GLIS3: variants seen among roughly 807,000 people sequenced by gnomAD.
The protein encoded by GLIS3 is GLIS family zinc finger 3, also known as zinc finger protein GLIS3.
Under a neutral mutation model 78.6 loss-of-function variants are expected in GLIS3, and 53 were observed. The ratio of observed to expected loss-of-function variants is 0.67; its 90% CI spans 0.54 to 0.85. The LOEUF is 0.85. Ranked by LOEUF, GLIS3 falls within the 40% of genes least tolerant of loss-of-function variation. The pLI is 0.00. For missense variants in GLIS3, 1,703 were observed against 1,231.1 expected, an observed-to-expected ratio of 1.38 and a Z score of -5.74; for synonymous variants, 684 against 509.9, an observed-to-expected ratio of 1.34 and a Z score of -4.60.
At chr9:3,859,302 C>A (rs1028988912) in intron 8 of GLIS3, among the ~76,000 whole-genome samples, 7 of 151,286 alleles carry the variant, frequency 4.6e-5, no homozygotes, top group Non-Finnish European at 7.4e-5. Context: ...GAACTCAGAA[C>A]CCCATTTTCT....
At chr9:4,373,121 A>G in the GLIS3 span, among the ~76,000 whole-genome samples, 4 of 152,242 alleles carry the variant, frequency 2.6e-5, no homozygotes, top group African/African-American at 9.6e-5. Flanking sequence ...CCAAGCACAG[A>G]AAAATACGGG....
chr9:4,390,378 T>C, the GLIS3 span, among the ~76,000 whole-genome samples: 1 of 152,198 alleles, frequency 6.6e-6, no homozygotes, highest in African/African-American at 2.4e-5. Flanking sequence ...AGTCTTTTTT[T>C]TTTTTTAAAC....
At chr9:4,320,943 T>C (rs1817514416) in intron 2 of GLIS3, among the ~76,000 whole-genome samples, 1 of 152,094 alleles carries the variant, frequency 6.6e-6, no homozygotes, top group Non-Finnish European at 1.5e-5. Context: ...TTGAGCATTT[T>C]TCAATGGCTC....
intron 2 of GLIS3, among the ~76,000 whole-genome samples, chr9:4,194,076 G>C (rs890912744): frequency 6.6e-6 from 1 of 152,092 alleles, no homozygotes; most frequent in Admixed American, 6.6e-5. Context: ...TTTCTTTGTA[G>C]AGATGGAGTC....
At chr9:3,880,853 C>G (rs1219620271) in intron 7 of GLIS3, among the ~76,000 whole-genome samples, 1 of 152,184 alleles carries the variant, frequency 6.6e-6, no homozygotes, top group African/African-American at 2.4e-5. Context: ...AGGGTGTGAT[C>G]TGATTTGAAG....
intron 2 of GLIS3, among the ~76,000 whole-genome samples, chr9:4,209,320 C>A (rs1820169746): frequency 6.6e-6 from 1 of 152,162 alleles, no homozygotes; most frequent in African/African-American, 2.4e-5. Context: ...CTTTCTGGGA[C>A]ATTTTGATGC....
the GLIS3 span, among the ~76,000 whole-genome samples, chr9:4,378,031 A>G: frequency 3.7e-4 from 56 of 152,306 alleles, 1 homozygote; most frequent in South Asian, 0.011. Flanking sequence ...TAACTCCTTC[A>G]TCTGGTAAAT....
intron 4 of GLIS3, among the ~76,000 whole-genome samples, chr9:4,107,152 A>C (rs1253372567): frequency 2.6e-5 from 4 of 152,190 alleles, no homozygotes; most frequent in Non-Finnish European, 4.4e-5. Flanking sequence ...GAAAGCTCCA[A>C]GATCAAGATT....
chr9:4,266,322 T>C (rs1216148171), intron 2 of GLIS3, among the ~76,000 whole-genome samples: 3 of 152,128 alleles, frequency 2.0e-5, no homozygotes, highest in Non-Finnish European at 2.9e-5. Flanking sequence ...TATCTGACTA[T>C]GCAGGATGGA....
chr9:4,015,557 A>G (rs1442492163), intron 4 of GLIS3, among the ~76,000 whole-genome samples: 1 of 152,182 alleles, frequency 6.6e-6, no homozygotes, highest in Non-Finnish European at 1.5e-5. Flanking sequence ...ATGAAGTTAT[A>G]TCTATCTTGT....
intron 4 of GLIS3, among the ~76,000 whole-genome samples, chr9:3,971,054 GGAAGGAAGGAAGGATTAATT>G (rs6150899): frequency 0.13 from 19,424 of 149,394 alleles, 1,744 homozygotes; most frequent in African/African-American, 0.25. Flanking sequence ...AAGGATCGAA[GGAAGGAAGGAAGGATTAATT>G]GAAGGAAGGA....
chr9:4,072,077 C>A (rs924762436), intron 4 of GLIS3, among the ~76,000 whole-genome samples: 1 of 152,260 alleles, frequency 6.6e-6, no homozygotes, highest in South Asian at 2.1e-4. Context: ...CTAAAGAAGT[C>A]CAGGCAAAGC....
rs140368099 is a variant in GLIS3 at position 3,857,276 on chromosome 9, C to T, written c.2298-1092G>A. Among the ~76,000 whole-genome samples, 8 of 152,312 alleles carry T rather than the reference C, an allele frequency of 5.3e-5. No homozygotes were observed. In the East Asian group the frequency reaches 1.5e-3, roughly 29 times the overall value. On this transcript the variant is annotated intron_variant, in intron 8 of 10. Transcript: ENST00000381971. ...GTGTAGAAAGACAGGCTTTGTTTTG[C>T]AGTAACACGTATAGGTCACCATCTG... is the stretch of plus-strand genomic sequence containing the variant.
At chr9:3,908,966 G>A (rs1823938610) in intron 6 of GLIS3, among the ~76,000 whole-genome samples, 1 of 152,114 alleles carries the variant, frequency 6.6e-6, no homozygotes, top group African/African-American at 2.4e-5. Flanking sequence ...CAAAGAAAAC[G>A]AGGCACAATC....
chr9:4,326,727 G>T (rs978602036), intron 2 of GLIS3, among the ~76,000 whole-genome samples: 10 of 152,148 alleles, frequency 6.6e-5, no homozygotes, highest in Non-Finnish European at 1.3e-4. Context: ...AATAAAAATG[G>T]AACCTACAGC....
At chr9:4,360,920 T>C in the GLIS3 span, among the ~76,000 whole-genome samples, 2 of 152,218 alleles carry the variant, frequency 1.3e-5, no homozygotes, top group Admixed American at 1.3e-4. Flanking sequence ...GAGGAATATC[T>C]GATGGCATTA....
chr9:3,963,012 T>A (rs926727766), intron 4 of GLIS3, among the ~76,000 whole-genome samples: 1 of 150,222 alleles, frequency 6.7e-6, no homozygotes, highest in Admixed American at 6.6e-5. Context: ...CCAGTGCTAA[T>A]CAATAACTGG....
chr9:3,895,554 A>G (rs1822769216), intron 7 of GLIS3, among the ~76,000 whole-genome samples: 1 of 152,194 alleles, frequency 6.6e-6, no homozygotes, highest in South Asian at 2.1e-4. Context: ...GGACGCTATT[A>G]TCTTTCACAG....
the GLIS3 span, among the ~76,000 whole-genome samples, chr9:4,400,060 T>G: frequency 6.6e-6 from 1 of 152,174 alleles, no homozygotes; most frequent in African/African-American, 2.4e-5. Flanking sequence ...ATGAAGAACC[T>G]TGGAAGCCAT....
Sources: gnomAD v4.1 joint callset for allele counts (sites outside exome capture counted in the v4.1 genomes callset) on GRCh38, gnomAD v4.1.1 for gene constraint, MANE v1.5 for transcripts, NCBI Gene and HGNC (gene_info 2026-07-23, HGNC 2026-07-21) for gene names.